The following EFHD1 variants were observed in gnomAD, a reference collection of about 807,000 sequenced individuals.
EFHD1 encodes the protein EF-hand domain-containing protein D1.
A neutral mutation model predicts 17.2 loss-of-function variants in EFHD1; 10 were observed. That is an observed-to-expected ratio of 0.58 (90% CI 0.36 to 0.99). The LOEUF (loss-of-function observed/expected upper bound fraction) is 0.99. EFHD1 is among the 50% of genes least tolerant of loss of function. EFHD1 has a pLI of 0.01. For missense variants in EFHD1, 310 were observed against 327.5 expected (o/e 0.95, Z 0.41); for synonymous variants, 153 against 142.0 (o/e 1.08, Z -0.55).
chr2:232,674,086 T>G (rs1011058780), intron 3 of EFHD1, among the ~76,000 whole-genome samples: 2 of 152,120 alleles, frequency 1.3e-5, no homozygotes, highest in South Asian at 2.1e-4. Flanking sequence ...TTTTTGTATT[T>G]TTAGTAGAGA....
At chr2:232,622,821 G>A (rs1694044557) in intron 1 of EFHD1, among the ~76,000 whole-genome samples, 1 of 152,114 alleles carries the variant, frequency 6.6e-6, no homozygotes, top group South Asian at 2.1e-4. Context: ...TGATTGAGAT[G>A]AGCAGCAAGT....
At chr2:232,652,978 T>C (rs1240876968) in intron 1 of EFHD1, among the ~76,000 whole-genome samples, 1 of 152,032 alleles carries the variant, frequency 6.6e-6, no homozygotes, top group African/African-American at 2.4e-5. Context: ...TATTATACTT[T>C]TTGTTTGGTG....
intron 1 of EFHD1, among the ~76,000 whole-genome samples, chr2:232,637,185 G>T (rs1694333990): frequency 6.6e-6 from 1 of 152,096 alleles, no homozygotes; most frequent in African/African-American, 2.4e-5. Context: ...CTGCCCTTGA[G>T]GCGCCAGCGA....
At chr2:232,623,861 GC>G (rs1464466097) in intron 1 of EFHD1, among the ~76,000 whole-genome samples, 1 of 152,120 alleles carries the variant, frequency 6.6e-6, no homozygotes, top group Non-Finnish European at 1.5e-5. Context: ...TTGCCTCCTG[GC>G]CCCCCAGGTG....
At chr2:232,639,566 C>T (rs1444027804) in intron 1 of EFHD1, among the ~76,000 whole-genome samples, 1 of 152,134 alleles carries the variant, frequency 6.6e-6, no homozygotes. Context: ...CTGTGGTACC[C>T]CCTGGACCAA....
At chr2:232,676,189 A>AT (rs1438754281) in intron 3 of EFHD1, among the ~76,000 whole-genome samples, 1 of 152,020 alleles carries the variant, frequency 6.6e-6, no homozygotes, top group South Asian at 2.1e-4. Flanking sequence ...GAAAAAAAAA[A>AT]GCCTGGCCTC....
upstream of EFHD1, chr2:232,633,548 C>G: frequency 7.8e-7 from 1 of 1,285,766 alleles, no homozygotes; most frequent in Non-Finnish European, 9.8e-7. Context: ...CCCGACCGCC[C>G]CGCCCGCCAG....
chr2:232,636,393 C>T (rs981085239), intron 1 of EFHD1, among the ~76,000 whole-genome samples: 3 of 152,130 alleles, frequency 2.0e-5, no homozygotes, highest in African/African-American at 7.2e-5. Flanking sequence ...AAGCACAGGA[C>T]CTGCCATGTG....
intron 1 of EFHD1, among the ~76,000 whole-genome samples, chr2:232,621,325 C>G (rs928110505): frequency 6.6e-6 from 1 of 152,220 alleles, no homozygotes; most frequent in Non-Finnish European, 1.5e-5. Flanking sequence ...CAGCCGCCAC[C>G]TGTGCTGAGC....
chr2:232,670,188 T>C (rs1695041778), intron 2 of EFHD1, among the ~76,000 whole-genome samples: 1 of 152,150 alleles, frequency 6.6e-6, no homozygotes, highest in South Asian at 2.1e-4. Context: ...CTGGGCATGG[T>C]GGCTCATGCC....
chr2:232,667,401 G>T (rs867280809), intron 2 of EFHD1, among the ~76,000 whole-genome samples: 1 of 152,052 alleles, frequency 6.6e-6, no homozygotes, highest in African/African-American at 2.4e-5. Flanking sequence ...TCTACCATGC[G>T]GACCGGCATG....
chr2:232,615,839 C>A (rs1165549972), intron 1 of EFHD1, among the ~76,000 whole-genome samples: 1 of 152,032 alleles, frequency 6.6e-6, no homozygotes, highest in Non-Finnish European at 1.5e-5. Flanking sequence ...AGGCATGCGC[C>A]ACCAGGCCCG....
intron 1 of EFHD1, among the ~76,000 whole-genome samples, chr2:232,622,017 T>C (rs1415539763): frequency 6.6e-6 from 1 of 152,220 alleles, no homozygotes; most frequent in South Asian, 2.1e-4. Flanking sequence ...GAATGAAGTA[T>C]CATCTCCCCA....
At chr2:232,608,878 C>T (rs1231688241) in intron 1 of EFHD1, among the ~76,000 whole-genome samples, 3 of 151,682 alleles carry the variant, frequency 2.0e-5, no homozygotes, top group Non-Finnish European at 4.4e-5. Flanking sequence ...TACAGTAAGC[C>T]GGGATCGCGC....
intron 1 of EFHD1, among the ~76,000 whole-genome samples, chr2:232,613,925 T>C (rs1693866650): frequency 6.7e-6 from 1 of 150,072 alleles, no homozygotes; most frequent in South Asian, 2.1e-4. Flanking sequence ...CACAAATATA[T>C]ACACATACCC....
rs530573551 is a variant in EFHD1 at position 232,634,391 on chromosome 2, C to A, written c.302+385C>A. 3.1e-3 allele frequency among the ~76,000 whole-genome samples: 469 copies of A among 152,358 alleles called. 2 individuals are homozygous for A. The highest frequency in any genetic ancestry group is 0.01 in the African/African-American group (426 of 41,586). On this transcript the variant is annotated intron_variant, in intron 1 of 3. Transcript: ENST00000264059. ...ACCTGCCAGCTTTCACTGTATCCCCCCAAGGGAAAAATTAGCCCCTGTTGG... is the reference window on the plus strand; with the variant it reads ...ACCTGCCAGCTTTCACTGTATCCCCACAAGGGAAAAATTAGCCCCTGTTGG...
chr2:232,641,276 C>CT, intron 1 of EFHD1, among the ~76,000 whole-genome samples: 1 of 152,252 alleles, frequency 6.6e-6, no homozygotes, highest in African/African-American at 2.4e-5. Flanking sequence ...TCAAGTGATC[C>CT]TCCCATCTCT....
intron 1 of EFHD1, among the ~76,000 whole-genome samples, chr2:232,637,119 A>G (rs1458183170): frequency 1.3e-5 from 2 of 152,286 alleles, no homozygotes; most frequent in Middle Eastern, 3.4e-3. Context: ...ATCCTCTCAT[A>G]GTTCTGGAAA....
intron 1 of EFHD1, among the ~76,000 whole-genome samples, chr2:232,613,287 G>A (rs1192135050): frequency 6.6e-6 from 1 of 151,938 alleles, no homozygotes; most frequent in Non-Finnish European, 1.5e-5. Context: ...AGCTGGTCAT[G>A]ATGGCATGCA....
Sources: gnomAD v4.1 joint callset for allele counts (sites outside exome capture counted in the v4.1 genomes callset) on GRCh38, gnomAD v4.1.1 for gene constraint, MANE v1.5 for transcripts, NCBI Gene and HGNC (gene_info 2026-07-23, HGNC 2026-07-21) for gene names.